Variants in ZCCHC7 observed in about 807,000 individuals in gnomAD.
ZCCHC7 encodes zinc finger CCHC domain-containing protein 7.
A neutral mutation model predicts 52.0 loss-of-function variants in ZCCHC7; 35 were observed. The ratio of observed to expected loss-of-function variants is 0.67; its 90% CI spans 0.51 to 0.89. The LOEUF (loss-of-function observed/expected upper bound fraction) is 0.89, where lower values mean the gene tolerates loss of function less well. ZCCHC7 is among the 40% of genes least tolerant of loss of function. ZCCHC7 has a pLI of 0.00. For synonymous variants in ZCCHC7, 217 were observed against 221.5 expected, an observed-to-expected ratio of 0.98 and a Z score of 0.18; for missense variants, 574 against 649.1, an observed-to-expected ratio of 0.88 and a Z score of 1.26.
chr9:37,183,782 GAAAT>G (rs745959335), intron 2 of ZCCHC7, among the ~76,000 whole-genome samples: 2 of 152,150 alleles, frequency 1.3e-5, no homozygotes, highest in Non-Finnish European at 2.9e-5. Flanking sequence ...TATAAATAAA[GAAAT>G]AGGTGTAAAG....
At chr9:37,212,556 A>G (rs1047606596) in intron 2 of ZCCHC7, among the ~76,000 whole-genome samples, 1 of 151,978 alleles carries the variant, frequency 6.6e-6, no homozygotes, top group Non-Finnish European at 1.5e-5. Context: ...AATCATTGAG[A>G]TGAACTGAAA....
intron 2 of ZCCHC7, among the ~76,000 whole-genome samples, chr9:37,133,550 ATTTTTAT>A (rs1488830502): frequency 1.3e-5 from 2 of 150,714 alleles, no homozygotes; most frequent in East Asian, 1.9e-4. Context: ...TAATTTTTGT[ATTTTTAT>A]TTTTTATTTT....
intron 2 of ZCCHC7, among the ~76,000 whole-genome samples, chr9:37,264,497 A>G (rs2133461195): frequency 6.6e-6 from 1 of 152,184 alleles, no homozygotes; most frequent in East Asian, 1.9e-4. Context: ...TGTAACTTTT[A>G]TGTATCCCAC....
At chr9:37,334,936 G>C (rs897133096) in intron 6 of ZCCHC7, among the ~76,000 whole-genome samples, 8 of 151,884 alleles carry the variant, frequency 5.3e-5, no homozygotes, top group Non-Finnish European at 8.8e-5. Flanking sequence ...ATTTTTATTA[G>C]CTTTGTAAAA....
intron 5 of ZCCHC7, among the ~76,000 whole-genome samples, chr9:37,316,785 A>T (rs1466430401): frequency 6.6e-6 from 1 of 152,132 alleles, no homozygotes; most frequent in Non-Finnish European, 1.5e-5. Context: ...CAAGTTTTCC[A>T]TAAATGAGTT....
chr9:37,209,985 TC>T (rs1373412448), intron 2 of ZCCHC7, among the ~76,000 whole-genome samples: 2 of 152,172 alleles, frequency 1.3e-5, no homozygotes, highest in East Asian at 3.8e-4. Flanking sequence ...TAGGTTTCTT[TC>T]TTTTTCTGTT....
In ZCCHC7 at chr9:37,274,339, T is replaced by C. The variant is rs926016352; in HGVS notation, c.611-27849T>C. ...ATTACCATATCTAATTTCTTTTTTT[T>C]TTTTTTTTTTTTTTTTTTGAGATGG... On this transcript the variant is annotated intron_variant, in intron 2 of 8. Coordinates refer to ENST00000336755, the MANE Select transcript of ZCCHC7 (RefSeq NM_032226.3). Among the ~76,000 whole-genome samples the C allele has an allele frequency of 6.0e-4, 81 of 136,018 alleles. 1 individual carries two copies. The highest frequency in any genetic ancestry group is 1.2e-3 in the Non-Finnish European group (79 of 63,512). The allele number at this position is 136,018 out of a possible 152,430, so 89.2% of individuals were successfully genotyped here. A position where few individuals can be genotyped will look rare whatever the true frequency, so the allele number is the denominator to read the frequency against.
chr9:37,121,613 T>G (rs1053353523), intron 1 of ZCCHC7: 7 of 152,114 alleles, frequency 4.6e-5, no homozygotes, highest in African/African-American at 1.7e-4. Context: ...AATCTGAGCA[T>G]GGGGAATAAA....
At chr9:37,203,277 T>G (rs1264142270) in intron 2 of ZCCHC7, among the ~76,000 whole-genome samples, 3 of 152,230 alleles carry the variant, frequency 2.0e-5, no homozygotes, top group Non-Finnish European at 4.4e-5. Context: ...ACGCAACAGT[T>G]TCTTTTGAGA....
In ZCCHC7 at chr9:37,354,834, T is replaced by C. The variant is rs1400307170; in HGVS notation, c.1198+10T>C. 4 of 1,550,550 alleles carry C rather than the reference T, an allele frequency of 2.6e-6. No individual in the cohort carries two copies. The highest frequency in any genetic ancestry group is 1.4e-5 in the African/African-American group (1 of 73,592). ...AAACAAAAAATAAAAGGTATGTTGC[T>C]AGACTTCTTGTTAGATCACATTTGC... is the stretch of plus-strand genomic sequence containing the variant. On this transcript the variant is annotated intron_variant, in intron 8 of 8. Coordinates refer to ENST00000336755, the MANE Select transcript of ZCCHC7 (RefSeq NM_032226.3). The surrounding 1 kb of genome is among the most constrained non-coding windows in gnomAD (Gnocchi z 4.0).
At chr9:37,307,861 G>A (rs1390727477) in intron 5 of ZCCHC7, among the ~76,000 whole-genome samples, 1 of 152,070 alleles carries the variant, frequency 6.6e-6, no homozygotes, top group Non-Finnish European at 1.5e-5. Context: ...AAACAGTGGT[G>A]CATTTAATAA....
intron 2 of ZCCHC7, among the ~76,000 whole-genome samples, chr9:37,233,866 TG>T (rs1249363207): frequency 6.6e-6 from 1 of 152,124 alleles, no homozygotes; most frequent in African/African-American, 2.4e-5. Flanking sequence ...GTTTTTGTTT[TG>T]TTTTGAGACG....
Position 37,266,104 on chromosome 9 carries a change from T to C in ZCCHC7, c.611-36084T>C, listed in dbSNP as rs376802748. Among the ~76,000 whole-genome samples, 5 of 152,246 alleles carry C rather than the reference T, an allele frequency of 3.3e-5. No individual in the cohort carries two copies. The East Asian group carries it at 5.8e-4, about 18-fold the overall frequency. On this transcript the variant is annotated intron_variant, in intron 2 of 8. Coordinates refer to ENST00000336755, the MANE Select transcript of ZCCHC7 (RefSeq NM_032226.3). Reference sequence around the variant, plus strand: ...AGGAACTGTATTTACTGTATCAATATGGTAAAAACAACACTTTAATTCCTT... The same window carrying C: ...AGGAACTGTATTTACTGTATCAATACGGTAAAAACAACACTTTAATTCCTT...
chr9:37,252,737 A>C (rs1356427397), intron 2 of ZCCHC7, among the ~76,000 whole-genome samples: 1 of 152,188 alleles, frequency 6.6e-6, no homozygotes, highest in East Asian at 1.9e-4. Flanking sequence ...ATTTTGACTT[A>C]ATACTGCTTT....
rs1255304565 is a variant in ZCCHC7 at position 37,331,241 on chromosome 9, TAGAGA to T, written c.987+3409_987+3413del. Among the ~76,000 whole-genome samples, 4 of 151,410 alleles carry T rather than the reference TAGAGA, an allele frequency of 2.6e-5. No individual in the cohort carries two copies. In the South Asian group the frequency reaches 8.3e-4, roughly 31 times the overall value. ...TTGTTATCCGGGAAATGGGGAAGAG[TAGAGA>T]AATGAGTGTGCTTGACTTCCTTTCT... is the stretch of plus-strand genomic sequence containing the variant. On this transcript the variant is annotated intron_variant, in intron 6 of 8. Coordinates refer to ENST00000336755, the MANE Select transcript of ZCCHC7 (RefSeq NM_032226.3).
rs545659444 is a variant in ZCCHC7 at position 37,142,999 on chromosome 9, T to G, written c.610+16057T>G. On this transcript the variant is annotated intron_variant, in intron 2 of 8. Transcript: ENST00000336755. ...GCCTGGGTTTTATTGTGTGTGGCCT[T>G]ACTAGGAGAACACTGTAGAGCCGAA... 2.0e-5 allele frequency among the ~76,000 whole-genome samples: 3 copies of G among 151,926 alleles called. No individual in the cohort carries two copies. In the East Asian group the frequency reaches 5.8e-4, roughly 29 times the overall value.
intron 2 of ZCCHC7, among the ~76,000 whole-genome samples, chr9:37,191,526 T>G (rs1042064644): frequency 3.3e-5 from 5 of 152,210 alleles, no homozygotes; most frequent in African/African-American, 1.2e-4. Context: ...ATAGGATTTA[T>G]GTAGGGGTGC....
chr9:37,237,061 G>A (rs575938815), intron 2 of ZCCHC7, among the ~76,000 whole-genome samples: 4 of 152,180 alleles, frequency 2.6e-5, no homozygotes, highest in South Asian at 2.1e-4. Context: ...TCTAACCAAA[G>A]GCAATTCTAA....
rs572544507 is a variant in ZCCHC7, at chr9:37,290,295, C to T, written c.611-11893C>T. On this transcript the variant is annotated intron_variant, in intron 2 of 8. Transcript: ENST00000336755. ...AATGTTTAGTTTAACCCTGAATATACCGTCAGGTTTATTGGACCCAATTTT... is the reference window on the plus strand; with the variant it reads ...AATGTTTAGTTTAACCCTGAATATATCGTCAGGTTTATTGGACCCAATTTT... Among the ~76,000 whole-genome samples, 30 of 152,158 alleles carry T rather than the reference C, an allele frequency of 2.0e-4. No individual in the cohort carries two copies. In the East Asian group the frequency reaches 5.4e-3, roughly 27 times the overall value.
Sources: allele counts gnomAD v4.1 joint callset (sites outside exome capture counted in the v4.1 genomes callset), GRCh38; gene constraint gnomAD v4.1.1; non-coding constraint Gnocchi (gnomAD v3.1); transcripts MANE v1.5; gene names NCBI Gene and HGNC (gene_info 2026-07-23, HGNC 2026-07-21).